Variants in DNHD1 observed in about 807,000 individuals in gnomAD.
DNHD1 encodes dynein heavy chain domain 1.
Under a neutral mutation model 458.1 loss-of-function variants are expected in DNHD1, and 383 were observed. The ratio of observed to expected loss-of-function variants is 0.84; its 90% confidence interval spans 0.77 to 0.91. The LOEUF (loss-of-function observed/expected upper bound fraction) is 0.91, where lower values mean the gene tolerates loss of function less well. Among genes scored for constraint, DNHD1 ranks in the 40% least tolerant of loss-of-function variants. DNHD1 has a pLI of 0.00. For missense variants in DNHD1, 5,336 were observed against 5,866.1 expected (o/e 0.91, Z 2.95); for synonymous variants, 2,203 against 2,376.9 (o/e 0.93, Z 2.13).
At chr11:6,567,915 T>C (rs906673221) in intron 36 of DNHD1, 55 bp downstream of exon 36, 14 of 1,507,236 alleles carry the variant, frequency 9.3e-6, no homozygotes, top group African/African-American at 1.4e-5. Context: ...GGCTGGGGCA[T>C]GGGGGACCCC....
Position 6,570,935 on chromosome 11 carries a change from C to A in DNHD1, c.13423C>A (p.Pro4475Thr). Residue 4475 changes from proline to threonine, a missense_variant, in exon 42 of 43, where the codon CCA (proline) becomes ACA (threonine). Physicochemically the swap from Pro to Thr is conservative, Grantham distance 38. Transcript: ENST00000254579. Reference protein sequence around the residue: ...ESDAPWSVLGPNARRPLEGVL... With the variant: ...ESDAPWSVLGTNARRPLEGVL... ...CGACGCCCCGTGGTCAGTGCTGGGG[C>A]CAAATGCACGGCGGCCTCTGGAGGG... is the stretch of plus-strand genomic sequence containing the variant. The A allele has an allele frequency of 1.9e-6, 3 of 1,609,560 alleles. No individual in the cohort carries two copies. Among genetic ancestry groups the A allele is most frequent in the Admixed American group, 1.7e-5 (1 of 59,930 alleles).
Position 6,547,495 on chromosome 11 carries a change from GTGCCTGCAACAT to G in DNHD1, c.6560_6571del (p.Pro2187_Leu2190del), listed in dbSNP as rs1564816703. On this transcript the variant is annotated inframe_deletion, in exon 21 of 43. Coordinates refer to ENST00000254579, the MANE Select transcript of DNHD1 (RefSeq NM_144666.3). ...GCTCAACCACATGGCTGAGGTTCTG[GTGCCTGCAACAT>G]TGCGATTCCTCACCTGCCAAGGTGT... 1.3e-6 allele frequency: 2 copies of G among 1,550,986 alleles called. No individual in the cohort carries two copies. The highest frequency in any genetic ancestry group is 2.4e-5 in the South Asian group (2 of 84,054).
At position 6,545,968 on chromosome 11, in the gene DNHD1, C is replaced by G; in HGVS notation, c.5029C>G (p.Leu1677Val). The G allele has an allele frequency of 6.4e-7, 1 of 1,551,766 alleles. No individual in the cohort carries two copies. Among genetic ancestry groups the G allele is most frequent in the Non-Finnish European group, 8.7e-7 (1 of 1,147,002 alleles). ...GCCAGCCCTGGTACTATTATTGGCC[C>G]TAGAGGAGGTGGCCTGTGGGACCGT... ...ERPALVLLLA[L>V]EEVACGTVLG... Residue 1677 changes from leucine to valine, a missense_variant, in exon 21 of 43, where the codon CTA becomes GTA. By Grantham distance (32) the Leu-to-Val change is conservative. Transcript: ENST00000254579. The surrounding 1 kb of genome is among the most constrained non-coding windows in gnomAD (Gnocchi z 4.9).
At position 6,528,548 on chromosome 11, in the gene DNHD1, G is replaced by A. The variant is rs1281180616; in HGVS notation, c.1864G>A (p.Asp622Asn). ...EEEDEEEDSK[D>N]EFLMPKFQGQ... ...AGAAGATGAAGAGGAGGACTCAAAA[G>A]ACGAATTTCTGATGCCCAAGTTCCA... Residue 622 changes from aspartate to asparagine, a missense_variant, in exon 11 of 43, where the codon GAC (aspartate) becomes AAC (asparagine). By Grantham distance (23) the Asp-to-Asn change is conservative. Around this residue, in one of 4 missense-constraint regions of DNHD1, gnomAD observed 3,932 missense variants for 4,365.6 expected, o/e 0.90. Transcript: ENST00000254579. 1.1e-5 allele frequency: 17 copies of A among 1,550,674 alleles called. No individual in the cohort carries two copies. The highest frequency in any genetic ancestry group is 1.5e-5 in the Non-Finnish European group (17 of 1,146,238).
intron 12 of DNHD1, among the ~76,000 whole-genome samples, chr11:6,531,169 G>A (rs1271407171): frequency 1.3e-5 from 2 of 152,100 alleles, no homozygotes; most frequent in African/African-American, 2.4e-5. Context: ...CCTTCTTGCT[G>A]ATCTAATTTT....
At chr11:6,515,537 T>C (rs1852443674) in intron 7 of DNHD1, among the ~76,000 whole-genome samples, 1 of 152,068 alleles carries the variant, frequency 6.6e-6, no homozygotes, top group Non-Finnish European at 1.5e-5. Context: ...CAAGCCTCCT[T>C]CCCCACTCCA....
chr11:6,528,747 A>G lies in DNHD1; in HGVS notation c.2063A>G (p.Lys688Arg). ...GAGGAAGACCTGGACAACAACCCTA[A>G]GATCCAGCAGGCACTGAATATACAA... ...QLEEDLDNNP[K>R]IQQALNIQQV... Residue 688 changes from lysine to arginine, a missense_variant, in exon 11 of 43, where the codon AAG becomes AGG. By Grantham distance (26) the Lys-to-Arg change is conservative. Around this residue, in one of 4 missense-constraint regions of DNHD1, gnomAD observed 3,932 missense variants for 4,365.6 expected, o/e 0.90. Coordinates refer to ENST00000254579, the MANE Select transcript of DNHD1 (RefSeq NM_144666.3). 1 of 1,551,762 alleles carries G rather than the reference A, an allele frequency of 6.4e-7. No individual in the cohort carries two copies. The highest frequency in any genetic ancestry group is 8.7e-7 in the Non-Finnish European group (1 of 1,147,016).
Position 6,498,639 on chromosome 11 carries a change from G to C in DNHD1, c.424G>C (p.Asp142His), listed in dbSNP as rs1298687376. ...QAFPPDSSLLDSASHADCCPQ... is the reference protein window; with the variant it reads ...QAFPPDSSLLHSASHADCCPQ... Reference sequence around the variant, plus strand: ...CTTTCCTCCAGACAGCTCTTTGTTAGACAGTGCTTCCCATGCTGACTGCTG... The same window carrying C: ...CTTTCCTCCAGACAGCTCTTTGTTACACAGTGCTTCCCATGCTGACTGCTG... Residue 142 changes from aspartate (D) to histidine (H), a missense_variant, in exon 3 of 43, where the codon GAC becomes CAC. Asp to His is a moderately conservative substitution (Grantham distance 81, BLOSUM62 -1). This residue lies in a region of DNHD1 where 3,932 missense variants were observed against 4,365.6 expected (regional missense o/e 0.90). Coordinates refer to ENST00000254579, the MANE Select transcript of DNHD1 (RefSeq NM_144666.3). 1 of 1,614,098 alleles carries C rather than the reference G, an allele frequency of 6.2e-7. No homozygotes were observed. The highest frequency in any genetic ancestry group is 8.5e-7 in the Non-Finnish European group (1 of 1,180,052).
At position 6,548,871 on chromosome 11, in the gene DNHD1, A is replaced by G; in HGVS notation, c.7325A>G (p.His2442Arg). 3 of 1,551,740 alleles carry G rather than the reference A, an allele frequency of 1.9e-6. No homozygotes were observed. The highest frequency in any genetic ancestry group is 2.6e-6 in the Non-Finnish European group (3 of 1,147,000). The change falls in exon 24 of 43, where the codon CAT (histidine) becomes CGT (arginine). Residue 2442 changes from histidine (H) to arginine (R), a missense_variant. This residue lies in a region of DNHD1 where 3,932 missense variants were observed against 4,365.6 expected (regional missense o/e 0.90). Coordinates refer to ENST00000254579, the MANE Select transcript of DNHD1 (RefSeq NM_144666.3). The surrounding 1 kb of genome is among the most constrained non-coding windows in gnomAD (Gnocchi z 4.4). ...ACACAAGCCAGCCCACAGCCTGGGCATCACCAGGATTCTAAACCCTCCCTC... is the reference window on the plus strand; with the variant it reads ...ACACAAGCCAGCCCACAGCCTGGGCGTCACCAGGATTCTAAACCCTCCCTC... ...GQTQASPQPG[H>R]HQDSKPSLLF...
In DNHD1 at chr11:6,563,309, C is replaced by T. The variant is rs1038907111; in HGVS notation, c.9670-73C>T. ...TCATGGGGACTCCAAGGAGATGATT[C>T]CCCTAAAAACACCTTGAAGGAAGAA... On this transcript the variant is annotated intron_variant, in intron 29 of 42. Transcript: ENST00000254579. 13 of 1,517,546 alleles carry T rather than the reference C, an allele frequency of 8.6e-6. No individual in the cohort carries two copies. The African/African-American group carries it at 1.5e-4, about 18-fold the overall frequency. 94.0% of individuals were successfully genotyped at this position (1,517,546 alleles called of 1,614,324 possible).
Position 6,528,510 on chromosome 11 carries a change from G to A in DNHD1, c.1838-12G>A, listed in dbSNP as rs1852761390. 5 of 1,546,622 alleles carry A rather than the reference G, an allele frequency of 3.2e-6. No individual in the cohort carries two copies. Among genetic ancestry groups the A allele is most frequent in the African/African-American group, 2.7e-5 (2 of 73,062 alleles). On this transcript the variant is annotated splice_polypyrimidine_tract_variant and intron_variant, in intron 10 of 42. Coordinates refer to ENST00000254579, the MANE Select transcript of DNHD1 (RefSeq NM_144666.3). Reference sequence around the variant, plus strand: ...GGGTACTCACGGACAATTATGGCCTGTGCTCCACTAGAAGAAGATGAAGAG... The same window carrying A: ...GGGTACTCACGGACAATTATGGCCTATGCTCCACTAGAAGAAGATGAAGAG...
At chr11:6,532,732 T>C (rs1852853132) in intron 12 of DNHD1, among the ~76,000 whole-genome samples, 1 of 152,116 alleles carries the variant, frequency 6.6e-6, no homozygotes. Context: ...TCACAGTGGA[T>C]TTATCACACT....
At position 6,570,229 on chromosome 11, in the gene DNHD1, C is replaced by T; in HGVS notation, c.12956-18C>T. 5 of 1,613,680 alleles carry T rather than the reference C, an allele frequency of 3.1e-6. No homozygotes were observed. The highest frequency in any genetic ancestry group is 3.4e-6 in the Non-Finnish European group (4 of 1,179,746). On this transcript the variant is annotated intron_variant, in intron 40 of 42. Transcript: ENST00000254579. ...AACTGAAGGTACTGGAACTGAGAGA[C>T]TCTAACCTCATCTTCAGCTTCAGTT...
At chr11:6,499,153 G>A (rs1852090081) in intron 3 of DNHD1, among the ~76,000 whole-genome samples, 192 bp downstream of exon 3, 1 of 152,232 alleles carries the variant, frequency 6.6e-6, no homozygotes, top group African/African-American at 2.4e-5. Flanking sequence ...AGTGGTGTTA[G>A]TCTTAATCCC....
At chr11:6,528,255 T>C (rs1852751438) in intron 10 of DNHD1, among the ~76,000 whole-genome samples, 1 of 152,206 alleles carries the variant, frequency 6.6e-6, no homozygotes, top group Non-Finnish European at 1.5e-5. Context: ...CCATTTAATA[T>C]TCTGTAATAA....
In DNHD1 at chr11:6,571,321, C is replaced by T. The variant is rs868596752; in HGVS notation, c.13809C>T (p.Asp4603=). 9 of 1,612,334 alleles carry T rather than the reference C, an allele frequency of 5.6e-6. No homozygotes were observed. Among genetic ancestry groups the T allele is most frequent in the Middle Eastern group, 1.6e-4 (1 of 6,084 alleles). ...LLALRGEAAL[D]QNVPSSNFPG... ...CATTGCGTGGGGAAGCTGCCCTGGA[C>T]CAGAATGTGCCCAGCTCGAATTTCC... is the stretch of plus-strand genomic sequence containing the variant. Residue 4603 remains aspartate (D), a synonymous_variant, in exon 42 of 43, where the codon GAC becomes GAT. Coordinates refer to ENST00000254579, the MANE Select transcript of DNHD1 (RefSeq NM_144666.3). The surrounding 1 kb of genome is among the most constrained non-coding windows in gnomAD (Gnocchi z 5.0).
rs1469402710 is a variant in DNHD1 at position 6,548,599 on chromosome 11, G to C, written c.7099-46G>C. On this transcript the variant is annotated intron_variant, in intron 23 of 42. Transcript: ENST00000254579. The surrounding 1 kb of genome is among the most constrained non-coding windows in gnomAD (Gnocchi z 4.4). ...GACTTTTATTTTCAGCTAGATTACT[G>C]TCTTATACTGGAGGTGCTGCAGTAA... 1.9e-6 allele frequency: 3 copies of C among 1,547,192 alleles called. No individual in the cohort carries two copies. The highest frequency in any genetic ancestry group is 2.4e-5 in the South Asian group (2 of 83,898).
intron 39 of DNHD1, 84 bp downstream of exon 39, chr11:6,568,950 A>C: frequency 7.1e-7 from 1 of 1,414,392 alleles, no homozygotes; most frequent in Non-Finnish European, 9.5e-7. Context: ...AGTAAAACTA[A>C]TTCATCTTTG....
At chr11:6,533,417 C>G (rs1003956729) in intron 13 of DNHD1, among the ~76,000 whole-genome samples, 7 of 152,164 alleles carry the variant, frequency 4.6e-5, no homozygotes, top group African/African-American at 1.4e-4. Context: ...CTGTGACAGT[C>G]AGATAGAAAA....
Sources: allele counts gnomAD v4.1 joint callset (sites outside exome capture counted in the v4.1 genomes callset), GRCh38; gene constraint gnomAD v4.1.1; regional missense constraint gnomAD v4.1.1; non-coding constraint Gnocchi (gnomAD v3.1); transcripts MANE v1.5; gene names NCBI Gene and HGNC (gene_info 2026-07-23, HGNC 2026-07-21).